Variants in PEX13 observed in about 807,000 individuals in gnomAD.
PEX13 encodes the protein peroxisome biogenesis factor 13.
In PEX13, 28 loss-of-function variants were observed where a neutral mutation model predicts 34.5. The observed-to-expected ratio is 0.81, with a 90% confidence interval of 0.60 to 1.11. PEX13 has a LOEUF of 1.11. Among genes scored for constraint, PEX13 ranks in the 50% most tolerant of loss-of-function variants. The pLI is 0.00. For synonymous variants in PEX13, 177 were observed against 175.1 expected, an observed-to-expected ratio of 1.01 and a Z score of -0.09; for missense variants, 550 against 491.0, an observed-to-expected ratio of 1.12 and a Z score of -1.13.
At chr2:61,031,325 C>A in intron 1 of PEX13, 94 bp from the exon 2 acceptor site, 2 of 898,600 alleles carry the variant, frequency 2.2e-6, no homozygotes, top group South Asian at 1.4e-5. Context: ...TAGAATTTGT[C>A]ATAGCACCAG....
intron 2 of PEX13, among the ~76,000 whole-genome samples, chr2:61,035,867 C>T (rs2104806259): frequency 6.6e-6 from 1 of 152,004 alleles, no homozygotes; most frequent in Non-Finnish European, 1.5e-5. Flanking sequence ...CCTGTAATCC[C>T]AGCTACTAGG....
chr2:61,030,271 A>G (rs1243945224), intron 1 of PEX13, among the ~76,000 whole-genome samples: 2 of 152,190 alleles, frequency 1.3e-5, no homozygotes, highest in East Asian at 1.9e-4. Context: ...CTGAAAATCA[A>G]TATTCCTGGC....
At chr2:61,039,711 A>G (rs984953618) in intron 2 of PEX13, among the ~76,000 whole-genome samples, 5 of 152,132 alleles carry the variant, frequency 3.3e-5, no homozygotes, top group Admixed American at 6.6e-5. Context: ...AACACCAAAA[A>G]CAATGACAAC....
chr2:61,046,288 T>C (rs1163760052), intron 3 of PEX13, among the ~76,000 whole-genome samples: 1 of 152,182 alleles, frequency 6.6e-6, no homozygotes, highest in Admixed American at 6.5e-5. Flanking sequence ...ATAAGTATTT[T>C]AGGAAATAGT....
intron 2 of PEX13, among the ~76,000 whole-genome samples, chr2:61,033,700 G>C (rs1014508801): frequency 1.3e-5 from 2 of 152,168 alleles, no homozygotes; most frequent in Non-Finnish European, 2.9e-5. Context: ...GTCAGGGAAC[G>C]CCTCCCTGAA....
chr2:61,024,421 C>T (rs1341058540), intron 1 of PEX13, among the ~76,000 whole-genome samples: 1 of 152,176 alleles, frequency 6.6e-6, no homozygotes, highest in East Asian at 1.9e-4. Context: ...CTGTATTTAT[C>T]CTTCTGTTTC....
At chr2:61,029,865 A>G (rs935469746) in intron 1 of PEX13, among the ~76,000 whole-genome samples, 2 of 152,160 alleles carry the variant, frequency 1.3e-5, no homozygotes, top group Non-Finnish European at 2.9e-5. Flanking sequence ...CTGAACATGT[A>G]CAGACTTTAT....
intron 1 of PEX13, among the ~76,000 whole-genome samples, chr2:61,027,599 T>C (rs932124494): frequency 2.0e-5 from 3 of 152,206 alleles, no homozygotes; most frequent in Non-Finnish European, 4.4e-5. Flanking sequence ...GGAGCACTTT[T>C]CGTTTTTGTT....
intron 1 of PEX13, among the ~76,000 whole-genome samples, chr2:61,028,907 G>A (rs1365287735): frequency 6.6e-6 from 1 of 152,084 alleles, no homozygotes; most frequent in African/African-American, 2.4e-5. Flanking sequence ...GCTAAGCCAA[G>A]TACAATGGCT....
chr2:61,020,226 A>AAAC (rs961619899), intron 1 of PEX13, among the ~76,000 whole-genome samples: 2 of 152,180 alleles, frequency 1.3e-5, no homozygotes, highest in African/African-American at 4.8e-5. Context: ...ACTCCATCTC[A>AAAC]AACAACAACA....
At chr2:61,045,515 G>A (rs571433543) in intron 2 of PEX13, among the ~76,000 whole-genome samples, 5 of 152,226 alleles carry the variant, frequency 3.3e-5, no homozygotes, top group Admixed American at 6.5e-5. Context: ...GTAAGAGAGC[G>A]GGAAGTTGGA....
Position 61,031,543 on chromosome 2 carries a change from C to T in PEX13, c.217C>T (p.Pro73Ser), listed in dbSNP as rs767895802. ...AAGTAGCAGTGTGAACACTTTTAGA[C>T]CTGCTTACAGTTCATTTTCTTCTGG... ...TGSSSVNTFR[P>S]AYSSFSSGYG... The change falls in exon 2 of 4, where the codon CCT (proline) becomes TCT (serine). Residue 73 changes from proline (P) to serine (S), a missense_variant. Pro to Ser is a moderately conservative substitution (Grantham distance 74). Transcript: ENST00000295030. The T allele has an allele frequency of 1.2e-6, 2 of 1,614,100 alleles. No homozygotes were observed. The highest frequency in any genetic ancestry group is 1.7e-6 in the Non-Finnish European group (2 of 1,179,978).
intron 2 of PEX13, among the ~76,000 whole-genome samples, chr2:61,041,943 G>T (rs1219578327): frequency 1.3e-5 from 2 of 152,192 alleles, no homozygotes; most frequent in African/African-American, 4.8e-5. Flanking sequence ...GAGGAAATCG[G>T]TAATGATACA....
At chr2:61,018,191 T>G in intron 1 of PEX13, 1 of 1,550,938 alleles carries the variant, frequency 6.4e-7, no homozygotes, top group Non-Finnish European at 8.7e-7. Context: ...AAGCGTAGAC[T>G]TTGGTCTGTA....
At chr2:61,044,125 T>G (rs1400479452) in intron 2 of PEX13, among the ~76,000 whole-genome samples, 1 of 152,114 alleles carries the variant, frequency 6.6e-6, no homozygotes, top group Admixed American at 6.6e-5. Context: ...AATTTATTTA[T>G]TTATTGTGGA....
In PEX13 at chr2:61,045,840, T is replaced by G; in HGVS notation, c.902T>G (p.Leu301Ter). The G allele has an allele frequency of 6.2e-7, 1 of 1,612,502 alleles. No homozygotes were observed. The change falls in exon 3 of 4, where the codon TTA becomes TGA. Residue 301 changes from leucine to a stop codon, truncating the protein, a stop_gained. Transcript: ENST00000295030. LOFTEE classifies it high-confidence loss of function. Reference protein sequence around the residue: ...ISFRAGDMLNLALKEQQPKVR... With the variant: ...ISFRAGDMLN ...TTCCGGGCTGGTGATATGCTGAACT[T>G]AGCTCTCAAAGGTAATAAATTATGA...
intron 1 of PEX13, among the ~76,000 whole-genome samples, chr2:61,023,071 C>T (rs898906722): frequency 6.6e-6 from 1 of 151,856 alleles, no homozygotes; most frequent in African/African-American, 2.4e-5. Context: ...GTGGTGCAGT[C>T]ATGGCTCACT....
chr2:61,043,119 A>G (rs992730977), intron 2 of PEX13, among the ~76,000 whole-genome samples: 2 of 152,066 alleles, frequency 1.3e-5, no homozygotes, highest in African/African-American at 4.8e-5. Flanking sequence ...TTGATCTCGG[A>G]TTTCCTAGCC....
At position 61,026,344 on chromosome 2, in the gene PEX13, C is replaced by CTTTT. The variant is rs71402320; in HGVS notation, c.93-5060_93-5057dup. On this transcript the variant is annotated intron_variant, in intron 1 of 3. Coordinates refer to ENST00000295030, the MANE Select transcript of PEX13 (RefSeq NM_002618.4). ...TGGCTGTGGCCACCTTTTCTTTTTT[C>CTTTT]TTTTTTTTTTTTTTTTTTGAGACGG... Among the ~76,000 whole-genome samples the CTTTT allele has an allele frequency of 1.9e-4, 23 of 121,232 alleles. No homozygotes were observed. The East Asian group carries it at 3.5e-3, about 18-fold the overall frequency. 79.5% of individuals were successfully genotyped at this position (121,232 alleles called of 152,430 possible).
Sources: gnomAD v4.1 joint callset for allele counts (sites outside exome capture counted in the v4.1 genomes callset) on GRCh38, gnomAD v4.1.1 for gene constraint, MANE v1.5 for transcripts, NCBI Gene and HGNC (gene_info 2026-07-23, HGNC 2026-07-21) for gene names.